The following WDFY2 variants were observed in gnomAD, a reference collection of about 807,000 sequenced individuals.
WDFY2 encodes WD repeat and FYVE domain-containing protein 2.
In WDFY2, 36 loss-of-function variants were observed where a neutral mutation model predicts 56.4. The ratio of observed to expected loss-of-function variants is 0.64; its 90% CI spans 0.49 to 0.84. The LOEUF (loss-of-function observed/expected upper bound fraction) is 0.84, where lower values mean the gene tolerates loss of function less well. WDFY2 is among the 40% of genes least tolerant of loss of function. WDFY2 has a pLI of 0.00. For missense variants in WDFY2, 444 were observed against 512.2 expected, an observed-to-expected ratio of 0.87 and a Z score of 1.29; for synonymous variants, 176 against 183.7, an observed-to-expected ratio of 0.96 and a Z score of 0.34.
intron 1 of WDFY2, among the ~76,000 whole-genome samples, chr13:51,605,535 G>C (rs1954370236): frequency 6.6e-6 from 1 of 152,140 alleles, no homozygotes; most frequent in African/African-American, 2.4e-5. Flanking sequence ...GACATGGGTT[G>C]TATAAATATG....
At chr13:51,656,562 T>C (rs1955512938) in intron 1 of WDFY2, among the ~76,000 whole-genome samples, 1 of 152,034 alleles carries the variant, frequency 6.6e-6, no homozygotes, top group Non-Finnish European at 1.5e-5. Flanking sequence ...GGATGTTCTA[T>C]CTTTTATTGT....
At chr13:51,668,616 C>G (rs572254993) in intron 2 of WDFY2, among the ~76,000 whole-genome samples, 1 of 152,110 alleles carries the variant, frequency 6.6e-6, no homozygotes, top group Non-Finnish European at 1.5e-5. Flanking sequence ...TTTGCTTTGT[C>G]GGGCTGTATT....
chr13:51,699,150 G>C (rs1311303248), intron 3 of WDFY2, among the ~76,000 whole-genome samples: 1 of 152,228 alleles, frequency 6.6e-6, no homozygotes, highest in Non-Finnish European at 1.5e-5. Flanking sequence ...CAAGGCCACA[G>C]ATCTGACTTC....
intron 1 of WDFY2, among the ~76,000 whole-genome samples, chr13:51,633,191 G>A (rs1486586456): frequency 6.6e-6 from 1 of 152,224 alleles, no homozygotes; most frequent in African/African-American, 2.4e-5. Context: ...ACTCCAACCA[G>A]CATGGCTGCT....
intron 1 of WDFY2, among the ~76,000 whole-genome samples, chr13:51,660,008 G>A (rs561458473): frequency 9.9e-5 from 15 of 152,210 alleles, no homozygotes; most frequent in African/African-American, 3.4e-4. Context: ...CAACAAGAAC[G>A]AAAATAATAA....
At chr13:51,756,298 C>A in intron 9 of WDFY2, 34 bp from the exon 10 acceptor site, 1 of 1,594,654 alleles carries the variant, frequency 6.3e-7, no homozygotes, top group Non-Finnish European at 8.6e-7. Flanking sequence ...CTGAGGGAGC[C>A]GTGATGAGTA....
At chr13:51,737,619 A>G (rs1952871405) in intron 6 of WDFY2, among the ~76,000 whole-genome samples, 1 of 145,876 alleles carries the variant, frequency 6.9e-6, no homozygotes, top group East Asian at 2.2e-4. Flanking sequence ...GTCAAGGAAG[A>G]TGTTTCTGAG....
At chr13:51,589,110 T>G (rs934957944) in intron 1 of WDFY2, 6 of 152,226 alleles carry the variant, frequency 3.9e-5, no homozygotes, top group African/African-American at 1.4e-4. Flanking sequence ...AATAAGGAGA[T>G]CTGATCCCCA....
chr13:51,706,809 A>AT (rs1952092335), intron 4 of WDFY2, among the ~76,000 whole-genome samples: 2 of 152,200 alleles, frequency 1.3e-5, no homozygotes, highest in Admixed American at 6.5e-5. Flanking sequence ...TGAATTCTTC[A>AT]TTTTTTTTAA....
intron 1 of WDFY2, among the ~76,000 whole-genome samples, chr13:51,657,500 G>T (rs1205645045): frequency 1.3e-5 from 2 of 152,092 alleles, no homozygotes; most frequent in African/African-American, 4.8e-5. Flanking sequence ...GTTTATCTGA[G>T]AATGTCTTAA....
At chr13:51,635,990 C>T (rs1264683739) in intron 1 of WDFY2, among the ~76,000 whole-genome samples, 4 of 152,286 alleles carry the variant, frequency 2.6e-5, no homozygotes, top group Admixed American at 1.3e-4. Context: ...CCTACATACA[C>T]TTTAACCTGG....
chr13:51,607,823 A>G (rs1954411682), intron 1 of WDFY2, among the ~76,000 whole-genome samples: 1 of 152,262 alleles, frequency 6.6e-6, no homozygotes, highest in East Asian at 1.9e-4. Context: ...TCCTGTGATT[A>G]TGTTACATGT....
chr13:51,738,929 C>A, intron 6 of WDFY2, 120 bp from the exon 7 acceptor site: 1 of 1,236,866 alleles, frequency 8.1e-7, no homozygotes. Flanking sequence ...ATTGTTCTTT[C>A]AATAAGAATT....
intron 4 of WDFY2, among the ~76,000 whole-genome samples, chr13:51,705,311 G>C (rs1952060833): frequency 6.6e-6 from 1 of 152,112 alleles, no homozygotes; most frequent in Non-Finnish European, 1.5e-5. Context: ...TTTGACAGAG[G>C]CATGCAGCTA....
chr13:51,692,508 G>A (rs1488869209), intron 3 of WDFY2, among the ~76,000 whole-genome samples: 19 of 152,122 alleles, frequency 1.2e-4, no homozygotes, highest in South Asian at 4.1e-4. Context: ...ATTGATTTGC[G>A]TATATTGAAC....
intron 4 of WDFY2, among the ~76,000 whole-genome samples, chr13:51,717,848 C>T (rs1295426023): frequency 6.6e-6 from 1 of 152,122 alleles, no homozygotes; most frequent in Non-Finnish European, 1.5e-5. Flanking sequence ...GCTTCAAATA[C>T]CAGCTCTTAA....
At chr13:51,671,532 T>C (rs1401856517) in intron 2 of WDFY2, among the ~76,000 whole-genome samples, 1 of 152,198 alleles carries the variant, frequency 6.6e-6, no homozygotes, top group East Asian at 1.9e-4. Flanking sequence ...TCTATTCATG[T>C]CCTTAGCCCA....
At chr13:51,696,166 A>C (rs1271759784) in intron 3 of WDFY2, among the ~76,000 whole-genome samples, 1 of 152,158 alleles carries the variant, frequency 6.6e-6, no homozygotes, top group Non-Finnish European at 1.5e-5. Flanking sequence ...TGGCTAGTGC[A>C]GGGTGTGCTG....
In WDFY2 at chr13:51,707,939, C is replaced by CTTTTTTTTT. The variant is rs56054205; in HGVS notation, c.334+4313_334+4321dup. On this transcript the variant is annotated intron_variant, in intron 4 of 11. Coordinates refer to ENST00000298125, the MANE Select transcript of WDFY2 (RefSeq NM_052950.4). The stretch of plus-strand genomic sequence containing the variant: ...ATATATACTATTAACCCTAAAACAA[C>CTTTTTTTTT]TTTTTTTTTTTTTTTTTTTTTTTTT... 1.8e-3 allele frequency among the ~76,000 whole-genome samples: 106 copies of CTTTTTTTTT among 57,566 alleles called. 12 individuals carry two copies. Among genetic ancestry groups the CTTTTTTTTT allele is most frequent in the Non-Finnish European group, 2.2e-3 (74 of 33,572 alleles). 37.8% of individuals were successfully genotyped at this position (57,566 alleles called of 152,430 possible).
Sources: allele counts gnomAD v4.1 joint callset (sites outside exome capture counted in the v4.1 genomes callset), GRCh38; gene constraint gnomAD v4.1.1; transcripts MANE v1.5; gene names NCBI Gene and HGNC (gene_info 2026-07-23, HGNC 2026-07-21).